Variants in NPSR1 observed in about 807,000 individuals in gnomAD.
NPSR1 encodes the protein neuropeptide S receptor.
Under a neutral mutation model 46.9 loss-of-function variants are expected in NPSR1, and 48 were observed. That is an observed-to-expected ratio of 1.02 (90% CI 0.81 to 1.30). The LOEUF is 1.30. Ranked by LOEUF, NPSR1 falls within the 50% of genes most tolerant of loss-of-function variation. The pLI is 0.00. For missense variants in NPSR1, 450 were observed against 449.5 expected (o/e 1.00, Z -0.01); for synonymous variants, 176 against 168.1 (o/e 1.05, Z -0.36).
chr7:34,792,931 T>A (rs1466954510), intron 3 of NPSR1, among the ~76,000 whole-genome samples: 1 of 150,598 alleles, frequency 6.6e-6, no homozygotes, highest in African/African-American at 2.4e-5. Context: ...CTCATGCTTA[T>A]AATACCAGCA....
At chr7:34,823,417 C>CAAAAAAAAAAAAAA (rs79081202) in intron 4 of NPSR1, among the ~76,000 whole-genome samples, 2 of 103,954 alleles carry the variant, frequency 1.9e-5, no homozygotes, top group East Asian at 2.7e-4. Context: ...AAAAAAAAAA[C>CAAAAAAAAAAAAAA]AACACCATAA....
chr7:34,799,249 T>G (rs1376436506), intron 3 of NPSR1, among the ~76,000 whole-genome samples: 1 of 151,996 alleles, frequency 6.6e-6, no homozygotes, highest in East Asian at 1.9e-4. Flanking sequence ...TATATTATTT[T>G]GTTTTTCAAT....
At chr7:34,795,395 A>G (rs1010859101) in intron 3 of NPSR1, among the ~76,000 whole-genome samples, 11 of 152,160 alleles carry the variant, frequency 7.2e-5, no homozygotes, top group African/African-American at 2.7e-4. Context: ...CCTTTTCATC[A>G]TTGTACAGTA....
chr7:34,808,504 A>G (rs1034117858), intron 3 of NPSR1, among the ~76,000 whole-genome samples: 1 of 152,062 alleles, frequency 6.6e-6, no homozygotes, highest in Non-Finnish European at 1.5e-5. Context: ...AACTCCCTTA[A>G]GTTTTTCCTG....
intron 3 of NPSR1, among the ~76,000 whole-genome samples, chr7:34,790,969 A>ATATGT (rs376333622): frequency 0.018 from 1,184 of 67,546 alleles, 47 homozygotes; most frequent in Middle Eastern, 0.054. Flanking sequence ...GTTATATTAT[A>ATATGT]TATGTTATAT....
intron 2 of NPSR1, among the ~76,000 whole-genome samples, chr7:34,732,864 C>T (rs1377228017): frequency 6.6e-6 from 1 of 152,134 alleles, no homozygotes; most frequent in Admixed American, 6.5e-5. Flanking sequence ...GTGCTAATTC[C>T]TAATGATGGT....
At chr7:34,684,382 T>C (rs1453284425) in intron 1 of NPSR1, among the ~76,000 whole-genome samples, 170 bp from the exon 2 acceptor site, 1 of 152,222 alleles carries the variant, frequency 6.6e-6, no homozygotes, top group Non-Finnish European at 1.5e-5. Context: ...ATTAATTTAC[T>C]CTGCAGCTGG....
chr7:34,876,630 T>C (rs952592581), intron 8 of NPSR1, among the ~76,000 whole-genome samples: 2 of 152,160 alleles, frequency 1.3e-5, no homozygotes, highest in Non-Finnish European at 2.9e-5. Flanking sequence ...TACAACCTAA[T>C]ATTTGTATTT....
intron 2 of NPSR1, among the ~76,000 whole-genome samples, chr7:34,777,483 T>G (rs1583997209): frequency 6.8e-6 from 1 of 146,934 alleles, no homozygotes; most frequent in Admixed American, 6.8e-5. Flanking sequence ...GATTTAAAAC[T>G]GTTTTTTTTT....
At chr7:34,702,990 C>G (rs1230492233) in intron 2 of NPSR1, among the ~76,000 whole-genome samples, 1 of 152,230 alleles carries the variant, frequency 6.6e-6, no homozygotes, top group African/African-American at 2.4e-5. Context: ...AGAATCATAA[C>G]TGGTTTTTTG....
chr7:34,744,958 A>T (rs1291075987), intron 2 of NPSR1, among the ~76,000 whole-genome samples: 1 of 152,244 alleles, frequency 6.6e-6, no homozygotes, highest in Non-Finnish European at 1.5e-5. Context: ...TAGTATAACA[A>T]CAATTTATAT....
At chr7:34,803,330 G>A (rs201684553) in intron 3 of NPSR1, among the ~76,000 whole-genome samples, 12,180 of 149,338 alleles carry the variant, frequency 0.082, 587 homozygotes, top group East Asian at 0.12. Context: ...ATGTCCAACA[G>A]TGATAGACTG....
chr7:34,849,272 G>A, intron 8 of NPSR1: 5 of 1,259,524 alleles, frequency 4.0e-6, no homozygotes, highest in Non-Finnish European at 5.7e-6. Flanking sequence ...GTGTGACCTT[G>A]GGCAAGTTAT....
Position 34,667,716 on chromosome 7 carries a change from C to T in NPSR1, c.147+9157C>T, listed in dbSNP as rs540766518. ...TAACTTTGACAAGACTCACAAGAACCCTCATGAAGATTCCCTGCCCTCTCA... is the reference window on the plus strand; with the variant it reads ...TAACTTTGACAAGACTCACAAGAACTCTCATGAAGATTCCCTGCCCTCTCA... On this transcript the variant is annotated intron_variant, in intron 1 of 8. Transcript: ENST00000360581. 2.6e-4 allele frequency among the ~76,000 whole-genome samples: 40 copies of T among 152,158 alleles called. 1 individual carries two copies. The highest frequency in any genetic ancestry group is 9.4e-4 in the African/African-American group (39 of 41,528).
At chr7:34,805,085 A>G (rs190335751) in intron 3 of NPSR1, among the ~76,000 whole-genome samples, 7 of 152,154 alleles carry the variant, frequency 4.6e-5, no homozygotes, top group Non-Finnish European at 4.4e-5. Context: ...GGAAGACTTA[A>G]TATTGTTAAG....
At chr7:34,773,925 C>T (rs1342550656) in intron 2 of NPSR1, among the ~76,000 whole-genome samples, 1 of 152,172 alleles carries the variant, frequency 6.6e-6, no homozygotes, top group Non-Finnish European at 1.5e-5. Flanking sequence ...ACACATTGTG[C>T]CCACTCCCAT....
chr7:34,856,211 A>G (rs1005639890), intron 8 of NPSR1, among the ~76,000 whole-genome samples: 1 of 148,732 alleles, frequency 6.7e-6, no homozygotes, highest in African/African-American at 2.6e-5. Context: ...AAATAATAAA[A>G]ACTGACAATA....
intron 1 of NPSR1, 58 bp from the exon 2 acceptor site, chr7:34,684,494 T>C (rs1001160819): frequency 6.4e-7 from 1 of 1,568,134 alleles, no homozygotes; most frequent in South Asian, 1.2e-5. Context: ...GCAGGCATTC[T>C]GTAAAGAACT....
intron 2 of NPSR1, chr7:34,768,571 T>C (rs1161849498): frequency 2.0e-5 from 3 of 152,208 alleles, no homozygotes; most frequent in African/African-American, 7.2e-5. Flanking sequence ...AAAATTTAAA[T>C]GTCTGATAAC....
Sources: allele counts gnomAD v4.1 joint callset (sites outside exome capture counted in the v4.1 genomes callset), GRCh38; gene constraint gnomAD v4.1.1; transcripts MANE v1.5; gene names NCBI Gene and HGNC (gene_info 2026-07-23, HGNC 2026-07-21).